Variants in CLNK observed in about 807,000 individuals in gnomAD.
The protein encoded by CLNK is cytokine dependent hematopoietic cell linker.
CLNK carries 74 observed loss-of-function variants against 68.6 expected under a neutral mutation model. The observed-to-expected ratio is 1.08, with a 90% confidence interval of 0.89 to 1.31. The LOEUF is 1.31. Among genes scored for constraint, CLNK ranks in the 50% most tolerant of loss-of-function variants. The pLI, the probability that CLNK is intolerant of heterozygous loss-of-function variation, is 0.00. For synonymous variants in CLNK, 198 were observed against 172.2 expected (o/e 1.15, Z -1.17); for missense variants, 553 against 515.3 (o/e 1.07, Z -0.71).
At chr4:10,718,610 C>T in the CLNK span, among the ~76,000 whole-genome samples, 1 of 149,288 alleles carries the variant, frequency 6.7e-6, no homozygotes, top group South Asian at 2.1e-4. Context: ...AAAAAAAAAA[C>T]TAGAAGAATT....
At chr4:10,619,380 TACATCAATGGGAG>T (rs1418056902) in intron 2 of CLNK, among the ~76,000 whole-genome samples, 2 of 152,178 alleles carry the variant, frequency 1.3e-5, no homozygotes, top group African/African-American at 4.8e-5. Flanking sequence ...ACCATGAATA[TACATCAATGGGAG>T]ACAGATGGCG....
In CLNK at chr4:10,600,549, C is replaced by G. The variant is rs1342817664; in HGVS notation, c.12-2500G>C. Among the ~76,000 whole-genome samples the G allele has an allele frequency of 5.9e-5, 9 of 152,266 alleles. No homozygotes were observed. The East Asian group carries it at 1.7e-3, about 29-fold the overall frequency. On this transcript the variant is annotated intron_variant, in intron 2 of 18. Transcript: ENST00000226951. ...ATGCATTCATTATGCATGTACATGTCCATATCCCCTTGCATTGGAGCCTTG... is the reference window on the plus strand; with the variant it reads ...ATGCATTCATTATGCATGTACATGTGCATATCCCCTTGCATTGGAGCCTTG...
At chr4:10,553,831 T>C (rs1719559447) in intron 8 of CLNK, among the ~76,000 whole-genome samples, 1 of 152,200 alleles carries the variant, frequency 6.6e-6, no homozygotes, top group African/African-American at 2.4e-5. Context: ...ACTTAGAGCT[T>C]CATTCATTGT....
At chr4:10,596,220 T>C (rs1003577561) in intron 3 of CLNK, among the ~76,000 whole-genome samples, 1 of 152,074 alleles carries the variant, frequency 6.6e-6, no homozygotes, top group South Asian at 2.1e-4. Context: ...AGACGGGGTT[T>C]CTCCATGTTG....
At chr4:10,592,531 T>C (rs1355201548) in intron 3 of CLNK, among the ~76,000 whole-genome samples, 1 of 151,602 alleles carries the variant, frequency 6.6e-6, no homozygotes, top group Non-Finnish European at 1.5e-5. Flanking sequence ...TTTTCACGTC[T>C]ATTTAAGTAT....
At chr4:10,598,752 C>A in intron 2 of CLNK, 2 of 385,154 alleles carry the variant, frequency 5.2e-6, no homozygotes, top group South Asian at 1.9e-5. Context: ...ACGTTTCCCA[C>A]ATTTTCCTTT....
intron 7 of CLNK, among the ~76,000 whole-genome samples, chr4:10,564,081 C>A (rs539118821): frequency 2.7e-5 from 4 of 149,720 alleles, no homozygotes; most frequent in East Asian, 1.9e-4. Flanking sequence ...GCATTTAGGG[C>A]ATTTGCATTT....
chr4:10,506,813 T>C (rs1717313423), intron 17 of CLNK, among the ~76,000 whole-genome samples: 1 of 152,226 alleles, frequency 6.6e-6, no homozygotes, highest in Non-Finnish European at 1.5e-5. Flanking sequence ...TTTTTTATTT[T>C]TTTTGAGAAA....
At chr4:10,611,767 A>C (rs1355916385) in intron 2 of CLNK, among the ~76,000 whole-genome samples, 1 of 152,140 alleles carries the variant, frequency 6.6e-6, no homozygotes, top group African/African-American at 2.4e-5. Context: ...GAGAATCTCC[A>C]GCACCCTCTC....
At chr4:10,535,066 T>C (rs1310076310) in intron 11 of CLNK, among the ~76,000 whole-genome samples, 1 of 152,134 alleles carries the variant, frequency 6.6e-6, no homozygotes, top group East Asian at 1.9e-4. Flanking sequence ...AAGAGAAAAC[T>C]GGCTGGCCGT....
At chr4:10,491,771 T>A (rs9684449) in intron 18 of CLNK, among the ~76,000 whole-genome samples, 2,073 of 62,786 alleles carry the variant, frequency 0.033, 45 homozygotes, top group African/African-American at 0.13. Flanking sequence ...ATATAGTAAT[T>A]TTTTTTTTTA....
chr4:10,648,239 G>A (rs1398499292), intron 2 of CLNK, among the ~76,000 whole-genome samples: 1 of 152,130 alleles, frequency 6.6e-6, no homozygotes, highest in Non-Finnish European at 1.5e-5. Flanking sequence ...GTGGCATCAG[G>A]GGACCAGTCT....
chr4:10,733,870 A>G, the CLNK span, among the ~76,000 whole-genome samples: 1 of 152,252 alleles, frequency 6.6e-6, no homozygotes, highest in East Asian at 1.9e-4. Flanking sequence ...CTGCATATCC[A>G]TCATACATAA....
chr4:10,713,375 C>T, the CLNK span, among the ~76,000 whole-genome samples: 30 of 152,106 alleles, frequency 2.0e-4, no homozygotes, highest in African/African-American at 7.0e-4. Context: ...CCATGAACAA[C>T]AGAGAACTGG....
chr4:10,537,706 C>CCTTGCTTTCTTTCTTT (rs1553848181), intron 11 of CLNK, among the ~76,000 whole-genome samples: 12 of 13,402 alleles, frequency 9.0e-4, no homozygotes, highest in African/African-American at 3.2e-3. Flanking sequence ...TTCCTTCCTT[C>CCTTGCTTTCTTTCTTT]CTTTCTTTCT....
chr4:10,706,522 G>A, the CLNK span, among the ~76,000 whole-genome samples: 3 of 152,226 alleles, frequency 2.0e-5, no homozygotes, highest in African/African-American at 7.2e-5. Context: ...AATCTCTGAA[G>A]AGACCCATAT....
intron 2 of CLNK, among the ~76,000 whole-genome samples, chr4:10,610,446 T>C (rs1264966765): frequency 1.3e-5 from 2 of 152,034 alleles, no homozygotes; most frequent in Non-Finnish European, 2.9e-5. Flanking sequence ...GAATCTTTGA[T>C]GCCCAGGTTT....
intron 16 of CLNK, among the ~76,000 whole-genome samples, chr4:10,510,163 G>C (rs1313239949): frequency 2.0e-5 from 3 of 152,192 alleles, no homozygotes; most frequent in East Asian, 3.8e-4. Context: ...GGGATGGCTG[G>C]TGAGTGTGGC....
At chr4:10,546,312 G>C (rs1303801705) in intron 8 of CLNK, among the ~76,000 whole-genome samples, 1 of 152,122 alleles carries the variant, frequency 6.6e-6, no homozygotes, top group African/African-American at 2.4e-5. Flanking sequence ...TAACCCTGCA[G>C]CTCCTTCTAT....
Sources: allele counts gnomAD v4.1 joint callset (sites outside exome capture counted in the v4.1 genomes callset), GRCh38; gene constraint gnomAD v4.1.1; transcripts MANE v1.5; gene names NCBI Gene and HGNC (gene_info 2026-07-23, HGNC 2026-07-21).